SLC6A17: variants seen among roughly 807,000 people sequenced by gnomAD.
SLC6A17 encodes the protein sodium-dependent neutral amino acid transporter SLC6A17.
A neutral mutation model predicts 64.5 loss-of-function variants in SLC6A17; 21 were observed. That is an observed-to-expected ratio of 0.33 (90% CI 0.23 to 0.47). The LOEUF (loss-of-function observed/expected upper bound fraction) is 0.47. Ranked by LOEUF, SLC6A17 falls within the 20% of genes least tolerant of loss-of-function variation. The pLI is 1.00. For synonymous variants in SLC6A17, 372 were observed against 399.5 expected (o/e 0.93, Z 0.82); for missense variants, 682 against 963.2 (o/e 0.71, Z 3.86).
chr1:110,197,624 A>AG, intron 11 of SLC6A17, 25 bp downstream of exon 11: 1 of 1,565,788 alleles, frequency 6.4e-7, no homozygotes, highest in Non-Finnish European at 8.6e-7. Context: ...CCCAAACCCC[A>AG]GGGACATTTG....
At chr1:110,166,784 G>T in intron 1 of SLC6A17, 59 bp from the exon 2 acceptor site, 4 of 1,050,840 alleles carry the variant, frequency 3.8e-6, no homozygotes, top group Non-Finnish European at 4.0e-6. Context: ...TGTCCACGTT[G>T]GGCTCCTCAC....
intron 6 of SLC6A17, among the ~76,000 whole-genome samples, chr1:110,179,532 TCCCC>T (rs1656461858): frequency 1.5e-5 from 1 of 67,940 alleles, no homozygotes; most frequent in African/African-American, 6.2e-5. Flanking sequence ...CCCCTTCCCC[TCCCC>T]TCCCCTCCCC....
rs768107906 is a variant in SLC6A17 at position 110,174,735 on chromosome 1, T to G, written c.572-44T>G. On this transcript the variant is annotated intron_variant, in intron 4 of 11. Coordinates refer to ENST00000331565, the MANE Select transcript of SLC6A17 (RefSeq NM_001010898.4). ...TGGTCCAGCAGAGGAAGTGACCCCATAGGCCCTGCCACTGAGGCCCTGTGA... is the reference window on the plus strand; with the variant it reads ...TGGTCCAGCAGAGGAAGTGACCCCAGAGGCCCTGCCACTGAGGCCCTGTGA... 3.1e-6 allele frequency: 5 copies of G among 1,597,722 alleles called. No homozygotes were observed. The African/African-American group carries it at 6.7e-5, about 21-fold the overall frequency.
Position 110,199,665 on chromosome 1 carries a change from A to T in SLC6A17, c.*1221A>T. ...TGCCATAGGCAGTGCTGTGGACAGT[A>T]GAGGCTGCCAAAGGCAAGGGCTGGT... On this transcript the variant is annotated 3_prime_UTR_variant, in exon 12 of 12. Coordinates refer to ENST00000331565, the MANE Select transcript of SLC6A17 (RefSeq NM_001010898.4). The T allele has an allele frequency of 3.4e-6, 1 of 290,038 alleles. No homozygotes were observed. The highest frequency in any genetic ancestry group is 6.4e-6 in the Non-Finnish European group (1 of 156,480). The allele number at this position is 290,038 out of a possible 1,614,324, so 18.0% of individuals were successfully genotyped here.
chr1:110,166,202 G>A (rs1656049747), intron 1 of SLC6A17: 1 of 152,162 alleles, frequency 6.6e-6, no homozygotes, highest in Non-Finnish European at 1.5e-5. Context: ...CTTTAGCTGA[G>A]CCTGGTCAAC....
chr1:110,166,514 C>T (rs1172464198), intron 1 of SLC6A17, among the ~76,000 whole-genome samples: 2 of 152,234 alleles, frequency 1.3e-5, no homozygotes, highest in Non-Finnish European at 2.9e-5. Flanking sequence ...TCCAAAGGGG[C>T]TTGAGCACTC....
At chr1:110,171,417 G>A (rs943946680) in intron 2 of SLC6A17, among the ~76,000 whole-genome samples, 19 of 152,298 alleles carry the variant, frequency 1.2e-4, no homozygotes, top group South Asian at 4.1e-4. Flanking sequence ...AATCTTTAGC[G>A]AGACCCATTC....
intron 1 of SLC6A17, among the ~76,000 whole-genome samples, chr1:110,161,977 A>G (rs1346399958): frequency 2.6e-5 from 4 of 152,170 alleles, no homozygotes; most frequent in Admixed American, 6.5e-5. Context: ...TTCGCAGTTC[A>G]CTTGCTCCGA....
chr1:110,168,055 GTCCAAAGGCAGCTTTCCCTGAAACCA>G (rs1268584027), intron 2 of SLC6A17: 2 of 152,190 alleles, frequency 1.3e-5, no homozygotes, highest in Non-Finnish European at 2.9e-5. Context: ...CCCAGGAATT[GTCCAAAGGCAGCTTTCCCTGAAACCA>G]GAGATCAACT....
Position 110,192,256 on chromosome 1 carries a change from C to G in SLC6A17, c.1106+43C>G. ...TCCTGTCCCTCCTTCTCCCTGTCTA[C>G]CTTACCTGGGAGTGGGCAGGGGTGG... On this transcript the variant is annotated intron_variant, in intron 7 of 11. Coordinates refer to ENST00000331565, the MANE Select transcript of SLC6A17 (RefSeq NM_001010898.4). The surrounding 1 kb of genome is among the most constrained non-coding windows in gnomAD (Gnocchi z 4.3). 1 of 1,580,774 alleles carries G rather than the reference C, an allele frequency of 6.3e-7. No homozygotes were observed. The highest frequency in any genetic ancestry group is 8.6e-7 in the Non-Finnish European group (1 of 1,160,438).
chr1:110,195,207 A>C (rs1018515753), intron 9 of SLC6A17, among the ~76,000 whole-genome samples: 1 of 152,206 alleles, frequency 6.6e-6, no homozygotes, highest in African/African-American at 2.4e-5. Flanking sequence ...TCTCATCTGC[A>C]TCCCTAAAGC....
rs149884117 is a variant in SLC6A17 at position 110,192,212 on chromosome 1, G to C, written c.1105G>C (p.Glu369Gln). The change falls in exon 7 of 12, where the codon GAG (glutamate) becomes CAG (glutamine). Residue 369 changes from glutamate (E) to glutamine (Q), a missense_variant and splice_region_variant. Glu to Gln is a conservative substitution (Grantham distance 29). Around this residue, in one of 3 missense-constraint regions of SLC6A17, gnomAD observed 415 missense variants for 603.8 expected, o/e 0.69. Coordinates refer to ENST00000331565, the MANE Select transcript of SLC6A17 (RefSeq NM_001010898.4). This position sits in a 1 kb window ranked among gnomAD's most constrained non-coding sequence, Gnocchi z 4.3. Reference protein sequence around the residue: ...ANIMNEKCVVENAEKILGYLN... With the variant: ...ANIMNEKCVVQNAEKILGYLN... ...CATCATGAATGAGAAGTGTGTGGTCGAGTAGGTGGCATCTCTCCTCCTGTC... is the reference window on the plus strand; with the variant it reads ...CATCATGAATGAGAAGTGTGTGGTCCAGTAGGTGGCATCTCTCCTCCTGTC... 1 of 1,606,792 alleles carries C rather than the reference G, an allele frequency of 6.2e-7. No homozygotes were observed. The highest frequency in any genetic ancestry group is 8.5e-7 in the Non-Finnish European group (1 of 1,174,358).
In SLC6A17 at chr1:110,198,474, C is replaced by G; in HGVS notation, c.*30C>G. 1 of 1,578,814 alleles carries G rather than the reference C, an allele frequency of 6.3e-7. No individual in the cohort carries two copies. Among genetic ancestry groups the G allele is most frequent in the Non-Finnish European group, 8.6e-7 (1 of 1,160,946 alleles). On this transcript the variant is annotated 3_prime_UTR_variant, in exon 12 of 12. Transcript: ENST00000331565. ...TGCCCAAGCCCTGCCCGCCTCTCCCCCCACGCTCAACCTGCCCACTTGTCC... is the reference window on the plus strand; with the variant it reads ...TGCCCAAGCCCTGCCCGCCTCTCCCGCCACGCTCAACCTGCCCACTTGTCC...
At chr1:110,186,508 G>A (rs2100942147) in intron 6 of SLC6A17, among the ~76,000 whole-genome samples, 1 of 150,718 alleles carries the variant, frequency 6.6e-6, no homozygotes. Flanking sequence ...TATTAAAATA[G>A]CCATGTTTTA....
In SLC6A17 at chr1:110,199,492, C is replaced by T. The variant is rs919076238; in HGVS notation, c.*1048C>T. The T allele has an allele frequency of 6.5e-6, 1 of 153,196 alleles. No homozygotes were observed. The highest frequency in any genetic ancestry group is 2.4e-5 in the African/African-American group (1 of 41,494). The allele number at this position is 153,196 out of a possible 1,614,324, so 9.5% of individuals were successfully genotyped here. A position where few individuals can be genotyped will look rare whatever the true frequency, so the allele number is the denominator to read the frequency against. On this transcript the variant is annotated 3_prime_UTR_variant, in exon 12 of 12. Coordinates refer to ENST00000331565, the MANE Select transcript of SLC6A17 (RefSeq NM_001010898.4). Reference sequence around the variant, plus strand: ...GTTCACAGGCTTATCCCCAGGAAGCCTCACTCCTGGGGAAAGACAGATAAT... The same window carrying T: ...GTTCACAGGCTTATCCCCAGGAAGCTTCACTCCTGGGGAAAGACAGATAAT...
chr1:110,159,293 C>T (rs548968991), intron 1 of SLC6A17, among the ~76,000 whole-genome samples: 1 of 152,176 alleles, frequency 6.6e-6, no homozygotes, highest in African/African-American at 2.4e-5. Context: ...TCTGGGGCTG[C>T]CCTTGTTTAC....
Position 110,159,911 on chromosome 1 carries a change from A to T in SLC6A17, c.-87-6932A>T, listed in dbSNP as rs77773301. ...TGCACTCATTCAATTCCATCATATC[A>T]TATTTATCATGCTCATATTATGATA... is the stretch of plus-strand genomic sequence containing the variant. On this transcript the variant is annotated intron_variant, in intron 1 of 11. Transcript: ENST00000331565. 1.2e-3 allele frequency among the ~76,000 whole-genome samples: 183 copies of T among 152,330 alleles called. 2 individuals carry two copies. Among genetic ancestry groups the T allele is most frequent in the African/African-American group, 4.1e-3 (171 of 41,566 alleles).
Position 110,198,314 on chromosome 1 carries a change from C to T in SLC6A17, c.2054C>T (p.Pro685Leu), listed in dbSNP as rs1338551353. Residue 685 changes from proline to leucine, a missense_variant, in exon 12 of 12, where the codon CCT (proline) becomes CTT (leucine). By Grantham distance (98) the Pro-to-Leu change is moderately conservative (BLOSUM62 -3). Around this residue, in one of 3 missense-constraint regions of SLC6A17, gnomAD observed 264 missense variants for 339.5 expected, o/e 0.78. Transcript: ENST00000331565. ...FILSKVPSEA[P>L]SPMPTHRSYL... is the part of the protein sequence containing the mutation. ...CTCAGCAAGGTGCCCAGTGAGGCAC[C>T]TTCCCCCATGCCCACTCACCGTTCC... The T allele has an allele frequency of 2.5e-6, 4 of 1,614,192 alleles. No homozygotes were observed. The highest frequency in any genetic ancestry group is 3.3e-5 in the Admixed American group (2 of 60,028).
rs536435930 is a variant in SLC6A17 at position 110,160,102 on chromosome 1, C to T, written c.-87-6741C>T. Among the ~76,000 whole-genome samples the T allele has an allele frequency of 5.9e-5, 9 of 152,318 alleles. No individual in the cohort carries two copies. In the East Asian group the frequency reaches 1.7e-3, roughly 29 times the overall value. ...TTTTCTTTCTCTTTCTCCTTCCATCCATGTGGTAACCAGATGCAGCTGGTA... is the reference window on the plus strand; with the variant it reads ...TTTTCTTTCTCTTTCTCCTTCCATCTATGTGGTAACCAGATGCAGCTGGTA... On this transcript the variant is annotated intron_variant, in intron 1 of 11. Coordinates refer to ENST00000331565, the MANE Select transcript of SLC6A17 (RefSeq NM_001010898.4).
Sources: gnomAD v4.1 joint callset for allele counts (sites outside exome capture counted in the v4.1 genomes callset) on GRCh38, gnomAD v4.1.1 for gene constraint, gnomAD v4.1.1 regional missense constraint, Gnocchi (gnomAD v3.1) non-coding constraint, MANE v1.5 for transcripts, NCBI Gene and HGNC (gene_info 2026-07-23, HGNC 2026-07-21) for gene names.